The following PLEKHM1 variants were observed in gnomAD, a reference collection of about 807,000 sequenced individuals.
PLEKHM1 encodes the protein pleckstrin homology and RUN domain containing M1.
In PLEKHM1, 28 loss-of-function variants were observed where a neutral mutation model predicts 94.3. That is an observed-to-expected ratio of 0.30 (90% CI 0.22 to 0.41). The LOEUF is 0.41. PLEKHM1 is among the 10% of genes least tolerant of loss of function. The pLI is 1.00. For synonymous variants in PLEKHM1, 424 were observed against 581.2 expected (o/e 0.73, Z 3.89); for missense variants, 907 against 1,358.6 (o/e 0.67, Z 5.22).
intron 3 of PLEKHM1, chr17:45,476,198 T>TA (rs1306349021): frequency 2.1e-5 from 3 of 145,324 alleles, no homozygotes; most frequent in Admixed American, 7.0e-5. Context: ...TATTTATACA[T>TA]TATATATATA....
At chr17:45,462,283 G>C (rs2051175079) in intron 5 of PLEKHM1, among the ~76,000 whole-genome samples, 1 of 152,032 alleles carries the variant, frequency 6.6e-6, no homozygotes. Flanking sequence ...TGTCAGTCAG[G>C]GCAGCCACTG....
In PLEKHM1 at chr17:45,436,602, C is replaced by T. The variant is rs1356153276; in HGVS notation, c.*1256G>A. ...TGGGGGAAGGCGACAGAGAGACCAG[C>T]AAACCCACATTTCCCCGAAGCCTGG... On this transcript the variant is annotated 3_prime_UTR_variant, in exon 12 of 12. Coordinates refer to ENST00000430334, the MANE Select transcript of PLEKHM1 (RefSeq NM_014798.3). 1 of 453,628 alleles carries T rather than the reference C, an allele frequency of 2.2e-6. No homozygotes were observed. The highest frequency in any genetic ancestry group is 6.9e-5 in the East Asian group (1 of 14,400). The allele number at this position is 453,628 out of a possible 1,614,324, so 28.1% of individuals were successfully genotyped here.
chr17:45,448,826 ACAT>A, intron 8 of PLEKHM1, among the ~76,000 whole-genome samples: 1 of 152,176 alleles, frequency 6.6e-6, no homozygotes, highest in African/African-American at 2.4e-5. Flanking sequence ...ACTTTAAGAT[ACAT>A]CTTATTCAAA....
At chr17:45,457,202 G>A (rs1056614134) in intron 6 of PLEKHM1, among the ~76,000 whole-genome samples, 5 of 149,886 alleles carry the variant, frequency 3.3e-5, no homozygotes, top group African/African-American at 1.2e-4. Context: ...AAGAAGCACT[G>A]GAGGACATTA....
At chr17:45,438,077 T>A in intron 11 of PLEKHM1, 108 bp from the exon 12 acceptor site, 1 of 806,898 alleles carries the variant, frequency 1.2e-6, no homozygotes, top group Non-Finnish European at 2.1e-6. Flanking sequence ...TGTGATGTAC[T>A]GTGTAACCCA....
Position 45,450,602 on chromosome 17 carries a change from T to A in PLEKHM1, c.2643+16A>T, listed in dbSNP as rs1248589347. On this transcript the variant is annotated intron_variant, in intron 8 of 11. Transcript: ENST00000430334. ...CTCTGTCCCTCAGCAGCTGGGCTGC[T>A]GGGCTTGAGACTTACCGGGCGCTTG... is the stretch of plus-strand genomic sequence containing the variant. The A allele has an allele frequency of 1.2e-6, 2 of 1,613,500 alleles. No homozygotes were observed. Among genetic ancestry groups the A allele is most frequent in the African/African-American group, 2.7e-5 (2 of 74,902 alleles).
At chr17:45,470,293 T>A (rs1339262946) in intron 4 of PLEKHM1, among the ~76,000 whole-genome samples, 1 of 152,268 alleles carries the variant, frequency 6.6e-6, no homozygotes, top group East Asian at 1.9e-4. Flanking sequence ...AAGAGAGGTA[T>A]AAACTTCATG....
In PLEKHM1 at chr17:45,478,114, C is replaced by T. The variant is rs757142862; in HGVS notation, c.82G>A (p.Ala28Thr). 3.1e-6 allele frequency: 5 copies of T among 1,614,118 alleles called. No homozygotes were observed. Among genetic ancestry groups the T allele is most frequent in the Middle Eastern group, 1.6e-4 (1 of 6,084 alleles). Reference protein sequence around the residue: ...IKKKLVGSVKALQKQYVSLDT... With the variant: ...IKKKLVGSVKTLQKQYVSLDT... ...AGGGACACGTACTGCTTCTGCAAGG[C>T]CTTCACGGATCCCACCAGCTTCTTC... Residue 28 changes from alanine (A) to threonine (T), a missense_variant, in exon 3 of 12, where the codon GCC becomes ACC. Transcript: ENST00000430334.
chr17:45,475,446 A>G lies in PLEKHM1; in HGVS notation c.577T>C (p.Leu193=), dbSNP rs2521859. 109,056 of 1,424,268 alleles carry G rather than the reference A, an allele frequency of 0.077. 18,303 individuals are homozygous for G. Among genetic ancestry groups the G allele is most frequent in the Middle Eastern group, 0.12 (605 of 5,222 alleles). 88.2% of individuals were successfully genotyped at this position (1,424,268 alleles called of 1,614,324 possible). The change falls in exon 4 of 12, where the codon TTG becomes CTG. Residue 193 remains leucine, a synonymous_variant. Transcript: ENST00000430334. ...AGCGGGCAAAGCCCAGACAGGGCCA[A>G]TGGGGTGAGCGTCCACTCATTTAAG... The part of the protein sequence containing the change: ...AILNEWTLTP[L]ALSGLCPLSE...
intron 5 of PLEKHM1, among the ~76,000 whole-genome samples, chr17:45,466,791 A>G (rs1245396830): frequency 1.3e-5 from 2 of 152,150 alleles, no homozygotes; most frequent in Admixed American, 6.5e-5. Context: ...ATGAGTATAA[A>G]TTAGCACAAA....
intron 4 of PLEKHM1, among the ~76,000 whole-genome samples, chr17:45,471,080 C>T (rs2051494951): frequency 6.6e-6 from 1 of 152,092 alleles, no homozygotes; most frequent in Non-Finnish European, 1.5e-5. Context: ...ATATACAGAA[C>T]ACTTACAAAT....
At chr17:45,443,719 G>A (rs1414197483) in intron 9 of PLEKHM1, among the ~76,000 whole-genome samples, 2 of 152,218 alleles carry the variant, frequency 1.3e-5, no homozygotes, top group African/African-American at 4.8e-5. Context: ...CTTGACCAAG[G>A]AGGGTGATAA....
Position 45,453,100 on chromosome 17 carries a change from G to T in PLEKHM1, c.2497+255C>A. 1 of 606,360 alleles carries T rather than the reference G, an allele frequency of 1.6e-6. No individual in the cohort carries two copies. The highest frequency in any genetic ancestry group is 2.9e-6 in the Non-Finnish European group (1 of 340,548). 37.6% of individuals were successfully genotyped at this position (606,360 alleles called of 1,614,324 possible). ...CCCTGAGCAGCGCAGTGAGTAGCCA[G>T]CCTGCCGCCCATCAGTGGGAGGTGG... On this transcript the variant is annotated intron_variant, in intron 7 of 11. Transcript: ENST00000430334. The surrounding 1 kb of genome is among the most constrained non-coding windows in gnomAD (Gnocchi z 4.1).
At chr17:45,479,688 A>AAAAACAAAACAAAACAAAACAAAAC (rs56104486) in intron 2 of PLEKHM1, among the ~76,000 whole-genome samples, 2 of 151,220 alleles carry the variant, frequency 1.3e-5, no homozygotes, top group African/African-American at 4.9e-5. Flanking sequence ...TCCATCTCAG[A>AAAAACAAAACAAAACAAAACAAAAC]AAAACAAAAC....
chr17:45,485,509 T>C (rs1203608037), intron 1 of PLEKHM1, among the ~76,000 whole-genome samples: 1 of 152,158 alleles, frequency 6.6e-6, no homozygotes, highest in Non-Finnish European at 1.5e-5. Context: ...CCTCATTAAC[T>C]AATTAGCTGA....
chr17:45,434,938 C>T (rs2050224553), downstream of PLEKHM1, among the ~76,000 whole-genome samples: 1 of 137,576 alleles, frequency 7.3e-6, no homozygotes, highest in Non-Finnish European at 1.5e-5. Context: ...CACTGCACTC[C>T]AGCCTGGGCA....
In PLEKHM1 at chr17:45,436,877, C is replaced by G. The variant is rs1261683124; in HGVS notation, c.*981G>C. 2.2e-6 allele frequency: 1 copy of G among 452,734 alleles called. No homozygotes were observed. Among genetic ancestry groups the G allele is most frequent in the African/African-American group, 2.0e-5 (1 of 49,988 alleles). 28.0% of individuals were successfully genotyped at this position (452,734 alleles called of 1,614,324 possible). ...TGCAGGGCGTGGCTGCCTGCCCTCT[C>G]TGGGGTCCTGCCTATCTGTGCCCTG... On this transcript the variant is annotated 3_prime_UTR_variant, in exon 12 of 12. Transcript: ENST00000430334.
At chr17:45,454,478 C>T (rs914751567) in intron 6 of PLEKHM1, 1 of 640,548 alleles carries the variant, frequency 1.6e-6, no homozygotes, top group Admixed American at 2.3e-5. Context: ...GCTCTTGCGT[C>T]CTGTATTTCA....
At chr17:45,447,800 C>CT (rs67636342) in intron 8 of PLEKHM1, 19,029 of 144,320 alleles carry the variant, frequency 0.13, 1,530 homozygotes, top group Middle Eastern at 0.2. Flanking sequence ...TTGTACTTTT[C>CT]TTTTTTTTTT....
Sources: gnomAD v4.1 joint callset for allele counts (sites outside exome capture counted in the v4.1 genomes callset) on GRCh38, gnomAD v4.1.1 for gene constraint, Gnocchi (gnomAD v3.1) non-coding constraint, MANE v1.5 for transcripts, NCBI Gene and HGNC (gene_info 2026-07-23, HGNC 2026-07-21) for gene names.